The following TRDN variants were observed in gnomAD, a reference collection of about 807,000 sequenced individuals.
TRDN encodes triadin in skeletal muscle.
A neutral mutation model predicts 149.7 loss-of-function variants in TRDN; 161 were observed. That is an observed-to-expected ratio of 1.08 (90% CI 0.95 to 1.23). The LOEUF is 1.23. TRDN is among the 50% of genes most tolerant of loss of function. The probability of loss-of-function intolerance (pLI) is 0.00; values close to 1 mark genes in which losing one functional copy is unlikely to be tolerated. For synonymous variants in TRDN, 294 were observed against 250.5 expected (o/e 1.17, Z -1.64); for missense variants, 896 against 823.5 (o/e 1.09, Z -1.08).
At chr6:123,325,869 C>A (rs1779432694) in intron 23 of TRDN, among the ~76,000 whole-genome samples, 1 of 152,126 alleles carries the variant, frequency 6.6e-6, no homozygotes, top group Admixed American at 6.6e-5. Flanking sequence ...ACAACACATA[C>A]TCCTTCAATA....
At chr6:123,497,041 A>T (rs1448678276) in intron 9 of TRDN, among the ~76,000 whole-genome samples, 152 bp downstream of exon 9, 2 of 152,042 alleles carry the variant, frequency 1.3e-5, no homozygotes, top group Admixed American at 1.3e-4. Flanking sequence ...CCTTAATGCC[A>T]GTTATTACCG....
chr6:123,405,270 C>CA (rs1452235826), intron 12 of TRDN, among the ~76,000 whole-genome samples: 2 of 151,976 alleles, frequency 1.3e-5, no homozygotes, highest in Admixed American at 6.6e-5. Flanking sequence ...AATGCTAGTA[C>CA]AAAAAAACAA....
chr6:123,375,339 A>C (rs1395033585), intron 19 of TRDN, among the ~76,000 whole-genome samples: 1 of 152,196 alleles, frequency 6.6e-6, no homozygotes, highest in African/African-American at 2.4e-5. Context: ...ATTATACTGC[A>C]AAATGAGAAA....
At chr6:123,550,519 A>G (rs964346769) in intron 2 of TRDN, among the ~76,000 whole-genome samples, 4 of 151,970 alleles carry the variant, frequency 2.6e-5, no homozygotes, top group African/African-American at 7.2e-5. Flanking sequence ...CAAAATAGAA[A>G]AATTTGGAGG....
chr6:123,280,678 TGC>T (rs1777551339), intron 24 of TRDN, among the ~76,000 whole-genome samples: 1 of 146,724 alleles, frequency 6.8e-6, no homozygotes, highest in East Asian at 2.0e-4. Context: ...GGCTAACCTC[TGC>T]TTAAGGCCTA....
chr6:123,361,746 C>T (rs752325010), intron 20 of TRDN, among the ~76,000 whole-genome samples: 7 of 152,124 alleles, frequency 4.6e-5, no homozygotes, highest in Non-Finnish European at 1.0e-4. Flanking sequence ...ATGACCATCA[C>T]CTTCCTATTG....
chr6:123,620,913 G>C (rs147259459), intron 1 of TRDN, among the ~76,000 whole-genome samples: 139 of 152,230 alleles, frequency 9.1e-4, no homozygotes, highest in African/African-American at 3.0e-3. Context: ...AGAAGGAGGA[G>C]CCTCAACAAG....
At chr6:123,594,633 T>TATG (rs111618428) in intron 1 of TRDN, among the ~76,000 whole-genome samples, 6 of 151,746 alleles carry the variant, frequency 4.0e-5, no homozygotes, top group African/African-American at 1.5e-4. Flanking sequence ...AAATTCTGGT[T>TATG]ATGTTTGTTA....
At chr6:123,390,190 A>G (rs1413380780) in intron 13 of TRDN, among the ~76,000 whole-genome samples, 1 of 152,128 alleles carries the variant, frequency 6.6e-6, no homozygotes, top group Non-Finnish European at 1.5e-5. Context: ...AACCTGACAA[A>G]GGCCTTGACC....
At chr6:123,340,160 T>C (rs974264830) in intron 21 of TRDN, among the ~76,000 whole-genome samples, 2 of 151,952 alleles carry the variant, frequency 1.3e-5, no homozygotes, top group African/African-American at 4.8e-5. Context: ...AAGAATTCTT[T>C]GAAAAAAGAG....
At chr6:123,315,317 CT>C (rs925054488) in intron 24 of TRDN, among the ~76,000 whole-genome samples, 18 of 151,814 alleles carry the variant, frequency 1.2e-4, no homozygotes, top group African/African-American at 1.7e-4. Context: ...CTCTATTATG[CT>C]TTTTTTCTGC....
chr6:123,269,889 C>G, intron 30 of TRDN, 23 bp from the exon 31 acceptor site: 1 of 1,608,824 alleles, frequency 6.2e-7, no homozygotes, highest in Non-Finnish European at 8.5e-7. Context: ...GAGGCAAGCA[C>G]ATGGCATATT....
intron 38 of TRDN, among the ~76,000 whole-genome samples, chr6:123,240,836 T>A (rs1437207835): frequency 6.6e-6 from 1 of 151,970 alleles, no homozygotes; most frequent in Non-Finnish European, 1.5e-5. Context: ...TCATCATTAA[T>A]CATTGCATAT....
At chr6:123,585,792 C>T (rs1182125744) in intron 1 of TRDN, among the ~76,000 whole-genome samples, 6 of 151,872 alleles carry the variant, frequency 4.0e-5, no homozygotes, top group East Asian at 3.9e-4. Flanking sequence ...AACGCCTGCC[C>T]GCTGTGGTTC....
chr6:123,623,297 A>G (rs1297719955), intron 1 of TRDN, among the ~76,000 whole-genome samples: 2 of 152,086 alleles, frequency 1.3e-5, no homozygotes, highest in Non-Finnish European at 2.9e-5. Flanking sequence ...AAAGAATCTT[A>G]TATATAAAAT....
intron 38 of TRDN, among the ~76,000 whole-genome samples, chr6:123,226,792 C>CT (rs1297251482): frequency 1.3e-5 from 2 of 151,766 alleles, no homozygotes; most frequent in Admixed American, 1.3e-4. Context: ...ATATTTGACT[C>CT]TGAGAAGGTA....
chr6:123,423,488 A>G (rs2114549034), intron 12 of TRDN, among the ~76,000 whole-genome samples: 1 of 152,278 alleles, frequency 6.6e-6, no homozygotes, highest in Non-Finnish European at 1.5e-5. Context: ...CAAACATAAA[A>G]TGTTTTATTT....
At chr6:123,261,439 C>A (rs562434474) in intron 33 of TRDN, among the ~76,000 whole-genome samples, 1 of 151,878 alleles carries the variant, frequency 6.6e-6, no homozygotes, top group African/African-American at 2.4e-5. Context: ...CATACAGAAC[C>A]ATGCTTTCTT....
At chr6:123,315,230 G>A (rs116436896) in intron 24 of TRDN, among the ~76,000 whole-genome samples, 48 of 151,814 alleles carry the variant, frequency 3.2e-4, no homozygotes, top group African/African-American at 1.0e-3. Flanking sequence ...TTTTTTGTAC[G>A]CAGTTTTTCC....
Sources: allele counts gnomAD v4.1 joint callset (sites outside exome capture counted in the v4.1 genomes callset), GRCh38; gene constraint gnomAD v4.1.1; transcripts MANE v1.5; gene names NCBI Gene and HGNC (gene_info 2026-07-23, HGNC 2026-07-21).